HEPACAM2: variants seen among roughly 807,000 people sequenced by gnomAD.
HEPACAM2 encodes mitotic kinetics regulator.
HEPACAM2 carries 49 observed loss-of-function variants against 49.6 expected under a neutral mutation model. That is an observed-to-expected ratio of 0.99 (90% CI 0.78 to 1.25). The LOEUF is 1.25. Ranked by LOEUF, HEPACAM2 falls within the 50% of genes most tolerant of loss-of-function variation. HEPACAM2 has a pLI of 0.00. For missense variants in HEPACAM2, 525 were observed against 557.2 expected (o/e 0.94, Z 0.58); for synonymous variants, 197 against 202.9 (o/e 0.97, Z 0.25).
intron 1 of HEPACAM2, among the ~76,000 whole-genome samples, chr7:93,225,624 A>G (rs1794524153): frequency 1.3e-5 from 2 of 152,172 alleles, no homozygotes. Flanking sequence ...GACTTTTAAA[A>G]CTGATAAATA....
intron 4 of HEPACAM2, among the ~76,000 whole-genome samples, chr7:93,207,122 T>A (rs1490456667): frequency 6.6e-6 from 1 of 152,116 alleles, no homozygotes. Flanking sequence ...ACTGAAAAAC[T>A]GAGCCTAAGG....
rs755131241 is a variant in HEPACAM2, at chr7:93,215,142, C to T, written c.715+259G>A. Among the ~76,000 whole-genome samples, 46 of 152,018 alleles carry T rather than the reference C, an allele frequency of 3.0e-4. 1 individual carries two copies. The highest frequency in any genetic ancestry group is 8.8e-5 in the Non-Finnish European group (6 of 68,008). On this transcript the variant is annotated intron_variant, in intron 3 of 9. Transcript: ENST00000394468. ...TCTTGCTTTCCGCTGGAAATGAGGTCGCACAATAGACTGAATCACGAAATA... is the reference window on the plus strand; with the variant it reads ...TCTTGCTTTCCGCTGGAAATGAGGTTGCACAATAGACTGAATCACGAAATA...
At chr7:93,230,028 C>A (rs1175416532), upstream of HEPACAM2, among the ~76,000 whole-genome samples, 1 of 152,078 alleles carries the variant, frequency 6.6e-6, no homozygotes, top group Non-Finnish European at 1.5e-5. Flanking sequence ...AGACTGTATC[C>A]ATTTTTATCC....
rs1248293994 is a variant in HEPACAM2, at chr7:93,219,285, G to T, written c.246C>A (p.Gly82=). The T allele has an allele frequency of 1.2e-6, 2 of 1,613,846 alleles. No homozygotes were observed. The highest frequency in any genetic ancestry group is 1.3e-5 in the African/African-American group (1 of 74,906). The change falls in exon 2 of 10, where the codon GGC becomes GGA. Residue 82 remains glycine, a synonymous_variant. Transcript: ENST00000394468. ...RPHTMPKYLL[G]SVNKSVVPDL... is the part of the protein sequence containing the mutation. The stretch of plus-strand genomic sequence containing the variant: ...CAGGAACCACAGACTTATTCACAGA[G>T]CCCAGTAAGTATTTGGGCATTGTGT...
At chr7:93,223,406 T>C (rs1794486382) in intron 1 of HEPACAM2, among the ~76,000 whole-genome samples, 2 of 152,070 alleles carry the variant, frequency 1.3e-5, no homozygotes, top group Non-Finnish European at 2.9e-5. Context: ...AGGAGGAAAA[T>C]TTTATTTAAT....
intron 4 of HEPACAM2, among the ~76,000 whole-genome samples, chr7:93,203,771 C>G (rs145146598): frequency 6.6e-4 from 101 of 152,224 alleles, no homozygotes; most frequent in Admixed American, 3.7e-3. Context: ...GTCTGTGTAT[C>G]CATTTCTACA....
At position 93,195,819 on chromosome 7, in the gene HEPACAM2, A is replaced by G. The variant is rs1292848126; in HGVS notation, c.1275+9T>C. On this transcript the variant is annotated intron_variant, in intron 8 of 9. Transcript: ENST00000394468. The stretch of plus-strand genomic sequence containing the variant: ...ACTTCTCGGTTAATCAGCCACTAGG[A>G]AAACCAACCCTGGAAACACCAGAAA... 6.2e-7 allele frequency: 1 copy of G among 1,610,078 alleles called. No homozygotes were observed. The highest frequency in any genetic ancestry group is 8.5e-7 in the Non-Finnish European group (1 of 1,177,006).
intron 7 of HEPACAM2, among the ~76,000 whole-genome samples, chr7:93,196,314 A>G (rs560774362): frequency 2.7e-4 from 41 of 152,302 alleles, no homozygotes; most frequent in African/African-American, 9.9e-4. Flanking sequence ...GTAACAGATC[A>G]TCAGAACAAA....
At chr7:93,231,929 G>C in the HEPACAM2 span, among the ~76,000 whole-genome samples, 1 of 152,066 alleles carries the variant, frequency 6.6e-6, no homozygotes, top group Admixed American at 6.5e-5. Flanking sequence ...GAGTTCTCAG[G>C]TTACCCCTCA....
chr7:93,192,469 T>C, intron 8 of HEPACAM2, 106 bp from the exon 9 acceptor site: 1 of 766,680 alleles, frequency 1.3e-6, no homozygotes, highest in Non-Finnish European at 2.1e-6. Flanking sequence ...GATTAGAGAA[T>C]TAGAACTATT....
chr7:93,200,053 C>G (rs1278221050), intron 4 of HEPACAM2, among the ~76,000 whole-genome samples: 1 of 151,360 alleles, frequency 6.6e-6, no homozygotes, highest in Admixed American at 6.6e-5. Flanking sequence ...TTTTTAATGA[C>G]TATACAAATA....
At chr7:93,193,281 T>C (rs1793603202) in intron 8 of HEPACAM2, among the ~76,000 whole-genome samples, 1 of 152,140 alleles carries the variant, frequency 6.6e-6, no homozygotes, top group African/African-American at 2.4e-5. Flanking sequence ...CCACTTGCTA[T>C]AGCTCTCACA....
intron 4 of HEPACAM2, among the ~76,000 whole-genome samples, chr7:93,202,160 A>G (rs980985033): frequency 1.3e-5 from 2 of 150,670 alleles, no homozygotes; most frequent in Non-Finnish European, 3.0e-5. Flanking sequence ...TGATTTGGGC[A>G]CCACTTTTAG....
chr7:93,192,626 C>A (rs541152059), intron 8 of HEPACAM2, among the ~76,000 whole-genome samples: 104 of 151,772 alleles, frequency 6.9e-4, no homozygotes, highest in Non-Finnish European at 1.3e-3. Context: ...AGAAAGCTGG[C>A]AGTACTGTAA....
chr7:93,218,363 G>A (rs1794363881), intron 2 of HEPACAM2, among the ~76,000 whole-genome samples: 1 of 152,104 alleles, frequency 6.6e-6, no homozygotes, highest in Admixed American at 6.5e-5. Flanking sequence ...GGGGTGGTAA[G>A]TGGTTGGATT....
intron 3 of HEPACAM2, among the ~76,000 whole-genome samples, chr7:93,210,493 T>C (rs1794151245): frequency 6.6e-6 from 1 of 151,960 alleles, no homozygotes; most frequent in Non-Finnish European, 1.5e-5. Context: ...TAGTTTGTTG[T>C]TGTCTAACTG....
chr7:93,226,708 T>TA (rs1011200046), upstream of HEPACAM2, among the ~76,000 whole-genome samples: 18 of 152,186 alleles, frequency 1.2e-4, no homozygotes, highest in Non-Finnish European at 8.8e-5. Context: ...ACTTAGTTAT[T>TA]AAAAAATCAC....
intron 3 of HEPACAM2, among the ~76,000 whole-genome samples, chr7:93,211,749 G>A (rs751267171): frequency 6.6e-6 from 1 of 151,964 alleles, no homozygotes; most frequent in African/African-American, 2.4e-5. Context: ...ACCAGCAGGA[G>A]GAATTTACCG....
chr7:93,197,465 T>G lies in HEPACAM2; in HGVS notation c.1138+20A>C, dbSNP rs1467656395. On this transcript the variant is annotated intron_variant, in intron 5 of 9. Transcript: ENST00000394468. ...ACACATATATACAGCTTCAATTTTT[T>G]TTTTGTAATTTTAACCTACCTTTGT... is the stretch of plus-strand genomic sequence containing the variant. The G allele has an allele frequency of 6.3e-7, 1 of 1,581,286 alleles. No homozygotes were observed. The highest frequency in any genetic ancestry group is 8.6e-7 in the Non-Finnish European group (1 of 1,166,168).
Sources: allele counts gnomAD v4.1 joint callset (sites outside exome capture counted in the v4.1 genomes callset), GRCh38; gene constraint gnomAD v4.1.1; transcripts MANE v1.5; gene names NCBI Gene and HGNC (gene_info 2026-07-23, HGNC 2026-07-21).